Variants in TTC17 observed in about 807,000 individuals in gnomAD.
TTC17 encodes the protein tetratricopeptide repeat domain 17.
Under a neutral mutation model 143.8 loss-of-function variants are expected in TTC17, and 58 were observed. The ratio of observed to expected loss-of-function variants is 0.40; its 90% CI spans 0.33 to 0.50. TTC17 has a LOEUF of 0.50. Among genes scored for constraint, TTC17 ranks in the 20% least tolerant of loss-of-function variants. TTC17 has a pLI of 0.49. For synonymous variants in TTC17, 501 were observed against 497.8 expected, an observed-to-expected ratio of 1.01 and a Z score of -0.09; for missense variants, 1,273 against 1,392.5, an observed-to-expected ratio of 0.91 and a Z score of 1.37.
intron 21 of TTC17, among the ~76,000 whole-genome samples, chr11:43,458,649 A>G (rs1271376695): frequency 3.9e-5 from 6 of 152,132 alleles, no homozygotes; most frequent in Non-Finnish European, 2.9e-5. Flanking sequence ...ACCCACCCCA[A>G]GAACCCCACA....
chr11:43,360,784 T>C (rs1271572069), intron 1 of TTC17, among the ~76,000 whole-genome samples: 1 of 151,804 alleles, frequency 6.6e-6, no homozygotes, highest in East Asian at 1.9e-4. Context: ...AAGGCAGGGG[T>C]TACTGGAAAC....
chr11:43,403,967 A>G lies in TTC17; in HGVS notation c.1333-31A>G, dbSNP rs139782530. The G allele has an allele frequency of 2.6e-6, 4 of 1,556,076 alleles. No homozygotes were observed. In the African/African-American group the frequency reaches 4.1e-5, roughly 16 times the overall value. On this transcript the variant is annotated intron_variant, in intron 10 of 23. Coordinates refer to ENST00000039989, the MANE Select transcript of TTC17 (RefSeq NM_018259.6). ...AATCACAACTCCTTTTCCACTTTCA[A>G]TTTGATTGAACTTTTTGTTTCATTT...
chr11:43,483,636 A>G (rs899004378), intron 21 of TTC17, among the ~76,000 whole-genome samples: 4 of 152,188 alleles, frequency 2.6e-5, no homozygotes, highest in Non-Finnish European at 5.9e-5. Flanking sequence ...ATTTCAGTAG[A>G]TTGCATTTGA....
At chr11:43,372,822 A>G (rs1856621415) in intron 1 of TTC17, among the ~76,000 whole-genome samples, 1 of 152,092 alleles carries the variant, frequency 6.6e-6, no homozygotes, top group Non-Finnish European at 1.5e-5. Flanking sequence ...TCATTGTAAT[A>G]TTGTTAAAAA....
intron 15 of TTC17, among the ~76,000 whole-genome samples, chr11:43,411,376 C>G (rs1206896177): frequency 6.6e-6 from 1 of 152,098 alleles, no homozygotes; most frequent in Non-Finnish European, 1.5e-5. Context: ...TGAATACTAA[C>G]TTCTCAGTAA....
intron 17 of TTC17, 146 bp downstream of exon 17, chr11:43,443,730 A>T: frequency 8.8e-7 from 1 of 1,131,992 alleles, no homozygotes; most frequent in Non-Finnish European, 1.2e-6. Flanking sequence ...TTTTATTGGG[A>T]GGAAGCATTT....
At chr11:43,452,024 C>A (rs1364942855) in intron 21 of TTC17, among the ~76,000 whole-genome samples, 2 of 151,952 alleles carry the variant, frequency 1.3e-5, no homozygotes, top group African/African-American at 2.4e-5. Flanking sequence ...GTAAGGATTG[C>A]CAAAAGTGGT....
rs552566764 is a variant in TTC17 at position 43,468,388 on chromosome 11, G to A, written c.3030+17123G>A. 4.4e-4 allele frequency: 67 copies of A among 152,308 alleles called. 1 individual carries two copies. Among genetic ancestry groups the A allele is most frequent in the African/African-American group, 1.5e-3 (63 of 41,572 alleles). 9.4% of individuals were successfully genotyped at this position (152,308 alleles called of 1,614,324 possible). ...AATGATTTTCTCAAAGGGCACGACAGCATTTGAATGAAGTAAAATCTCTGT... is the reference window on the plus strand; with the variant it reads ...AATGATTTTCTCAAAGGGCACGACAACATTTGAATGAAGTAAAATCTCTGT... On this transcript the variant is annotated intron_variant, in intron 21 of 23. Transcript: ENST00000039989.
chr11:43,413,243 T>C (rs1035929776), intron 15 of TTC17, among the ~76,000 whole-genome samples: 1 of 152,048 alleles, frequency 6.6e-6, no homozygotes, highest in Non-Finnish European at 1.5e-5. Context: ...AACATTTTGG[T>C]TTTTCAGTAA....
rs775039271 is a variant in TTC17 at position 43,359,095 on chromosome 11, C to T, written c.141C>T (p.Asp47=). The part of the protein sequence containing the change: ...FATTHWVVTE[D]GKIQQQVDSP... ...CCACGCACTGGGTCGTCACGGAGGA[C>T]GGGAAAATCCAGCAGCAGGTAGCGG... The change falls in exon 1 of 24, where the codon GAC becomes GAT. Residue 47 remains aspartate (D), a synonymous_variant. Transcript: ENST00000039989. 16 of 1,586,680 alleles carry T rather than the reference C, an allele frequency of 1.0e-5. No individual in the cohort carries two copies. Among genetic ancestry groups the T allele is most frequent in the Middle Eastern group, 1.7e-4 (1 of 6,002 alleles).
intron 9 of TTC17, among the ~76,000 whole-genome samples, chr11:43,400,595 T>C (rs1037807431): frequency 6.6e-6 from 1 of 152,232 alleles, no homozygotes; most frequent in Non-Finnish European, 1.5e-5. Flanking sequence ...AGTAAAATTT[T>C]AGACTGGAAT....
At chr11:43,448,482 T>A (rs1947593888) in intron 19 of TTC17, 1 of 174,120 alleles carries the variant, frequency 5.7e-6, no homozygotes, top group Admixed American at 5.9e-5. Context: ...TGCAAACACC[T>A]ACCAAGACAT....
chr11:43,428,689 G>A (rs185921169), intron 16 of TTC17, among the ~76,000 whole-genome samples: 1 of 152,296 alleles, frequency 6.6e-6, no homozygotes, highest in East Asian at 1.9e-4. Flanking sequence ...CTAAATTCTT[G>A]GGCAAAGCAA....
At chr11:43,485,883 G>GTTTTTTTTTTTTTTTT (rs751026290) in intron 21 of TTC17, among the ~76,000 whole-genome samples, 1 of 112,618 alleles carries the variant, frequency 8.9e-6, no homozygotes, top group Non-Finnish European at 1.8e-5. Context: ...TTGGTTTTTT[G>GTTTTTTTTTTTTTTTT]TTTTTTTTTT....
chr11:43,436,241 G>A, intron 16 of TTC17: 1 of 1,483,072 alleles, frequency 6.7e-7, no homozygotes, highest in South Asian at 1.3e-5. Context: ...ACTGGATGCT[G>A]CTGAAGAAGA....
chr11:43,403,159 G>T (rs951716479), intron 10 of TTC17, among the ~76,000 whole-genome samples: 1 of 152,122 alleles, frequency 6.6e-6, no homozygotes, highest in African/African-American at 2.4e-5. Flanking sequence ...GAAGGGGGAT[G>T]TTTAGAAATG....
At chr11:43,467,159 G>T (rs749818806) in intron 21 of TTC17, among the ~76,000 whole-genome samples, 1 of 152,152 alleles carries the variant, frequency 6.6e-6, no homozygotes, top group Non-Finnish European at 1.5e-5. Context: ...TGATTCAGCA[G>T]TTCCACTCCT....
intron 21 of TTC17, among the ~76,000 whole-genome samples, chr11:43,478,477 A>G: frequency 6.6e-6 from 1 of 152,182 alleles, no homozygotes; most frequent in Non-Finnish European, 1.5e-5. Flanking sequence ...TACCCATGAA[A>G]TTGTATGAAA....
At chr11:43,379,206 C>T (rs1565134044) in intron 1 of TTC17, 27 bp from the exon 2 acceptor site, 1 of 1,596,472 alleles carries the variant, frequency 6.3e-7, no homozygotes, top group South Asian at 1.1e-5. Context: ...GAAATCCGAG[C>T]TTTATTTATT....
Sources: gnomAD v4.1 joint callset for allele counts (sites outside exome capture counted in the v4.1 genomes callset) on GRCh38, gnomAD v4.1.1 for gene constraint, MANE v1.5 for transcripts, NCBI Gene and HGNC (gene_info 2026-07-23, HGNC 2026-07-21) for gene names.